ST8SIA5: variants seen among roughly 807,000 people sequenced by gnomAD.
ST8SIA5 encodes the protein ST8 alpha-N-acetyl-neuraminide alpha-2,8-sialyltransferase 5.
A neutral mutation model predicts 40.2 loss-of-function variants in ST8SIA5; 24 were observed. The ratio of observed to expected loss-of-function variants is 0.60; its 90% CI spans 0.43 to 0.84. The LOEUF is 0.84. Ranked by LOEUF, ST8SIA5 falls within the 40% of genes least tolerant of loss-of-function variation. The pLI, the probability that ST8SIA5 is intolerant of heterozygous loss-of-function variation, is 0.00. For missense variants in ST8SIA5, 465 were observed against 498.5 expected (o/e 0.93, Z 0.64); for synonymous variants, 198 against 201.8 (o/e 0.98, Z 0.16).
At chr18:46,697,025 G>A (rs145243221) in intron 2 of ST8SIA5, among the ~76,000 whole-genome samples, 2,292 of 148,546 alleles carry the variant, frequency 0.015, 27 homozygotes, top group Admixed American at 0.031. Flanking sequence ...GAACCATCAA[G>A]CCTACACTCC....
chr18:46,745,432 T>C (rs994276409), intron 1 of ST8SIA5, among the ~76,000 whole-genome samples: 6 of 152,126 alleles, frequency 3.9e-5, no homozygotes. Context: ...GAGAATACTA[T>C]AAACACCTCT....
rs1335336788 is a variant in ST8SIA5, at chr18:46,673,379, T to C, written c.*6663A>G. 2 of 152,240 alleles carry C rather than the reference T, an allele frequency of 1.3e-5. No individual in the cohort carries two copies. Among genetic ancestry groups the C allele is most frequent in the South Asian group, 4.1e-4 (2 of 4,822 alleles). 9.4% of individuals were successfully genotyped at this position (152,240 alleles called of 1,614,324 possible). A position where few individuals can be genotyped will look rare whatever the true frequency, so the allele number is the denominator to read the frequency against. ...TTTGTATGTACAGAAAAGGCAGAAG[T>C]TGGGTTGTGTGCCAAATTCTTCTTT... On this transcript the variant is annotated 3_prime_UTR_variant, in exon 7 of 7. Transcript: ENST00000315087.
chr18:46,735,531 A>G (rs925695699), intron 1 of ST8SIA5, among the ~76,000 whole-genome samples: 1 of 152,330 alleles, frequency 6.6e-6, no homozygotes, highest in Non-Finnish European at 1.5e-5. Context: ...CTTATAAATA[A>G]GTGCATGCAA....
At chr18:46,717,013 TG>T (rs2039798876) in intron 1 of ST8SIA5, among the ~76,000 whole-genome samples, 1 of 152,192 alleles carries the variant, frequency 6.6e-6, no homozygotes, top group South Asian at 2.1e-4. Flanking sequence ...GGACAGTGTC[TG>T]GGGGACTCCT....
At chr18:46,728,560 T>C (rs940799817) in intron 1 of ST8SIA5, among the ~76,000 whole-genome samples, 3 of 152,212 alleles carry the variant, frequency 2.0e-5, no homozygotes, top group African/African-American at 7.2e-5. Context: ...GCCCCACCCC[T>C]GATGCCAGAG....
intron 1 of ST8SIA5, among the ~76,000 whole-genome samples, chr18:46,733,984 C>T (rs1394818251): frequency 3.3e-5 from 5 of 152,118 alleles, no homozygotes; most frequent in African/African-American, 7.2e-5. Context: ...GGCTTCTCCC[C>T]GTCCCTAGGG....
intron 1 of ST8SIA5, among the ~76,000 whole-genome samples, chr18:46,736,223 C>G (rs2040033104): frequency 6.6e-6 from 1 of 152,188 alleles, no homozygotes; most frequent in African/African-American, 2.4e-5. Context: ...TGTCTCAACT[C>G]AGACGCAACA....
chr18:46,699,899 G>T (rs989703718), intron 2 of ST8SIA5, among the ~76,000 whole-genome samples: 12 of 152,308 alleles, frequency 7.9e-5, no homozygotes, highest in African/African-American at 2.4e-4. Flanking sequence ...CAGAGAGTGG[G>T]CATTTGCCCA....
chr18:46,680,547 C>T (rs1329124884), intron 6 of ST8SIA5, 37 bp from the exon 7 acceptor site: 2 of 1,515,108 alleles, frequency 1.3e-6, no homozygotes, highest in Non-Finnish European at 1.8e-6. Flanking sequence ...GCACCCACTC[C>T]TCCGTGCCCT....
intron 1 of ST8SIA5, among the ~76,000 whole-genome samples, chr18:46,748,145 A>C (rs542205587): frequency 9.9e-5 from 15 of 152,278 alleles, no homozygotes; most frequent in African/African-American, 3.6e-4. Flanking sequence ...GGGTGCAGCA[A>C]ACCAACATGG....
chr18:46,684,204 G>T (rs1410510980), intron 5 of ST8SIA5, among the ~76,000 whole-genome samples: 1 of 152,082 alleles, frequency 6.6e-6, no homozygotes, highest in Non-Finnish European at 1.5e-5. Flanking sequence ...CCCCTCCGAG[G>T]GAGACATTTA....
rs772403975 is a variant in ST8SIA5, at chr18:46,672,353, G to A, written c.*7689C>T. 7 of 152,242 alleles carry A rather than the reference G, an allele frequency of 4.6e-5. No homozygotes were observed. The highest frequency in any genetic ancestry group is 3.4e-3 in the Middle Eastern group (1 of 294). The allele number at this position is 152,242 out of a possible 1,614,324, so 9.4% of individuals were successfully genotyped here. The stretch of plus-strand genomic sequence containing the variant: ...CCAGGCCTGCTGAATCAGATCCTCC[G>A]GGAAGTAAAGGACCTGGCTTGGGGA... On this transcript the variant is annotated 3_prime_UTR_variant, in exon 7 of 7. Transcript: ENST00000315087.
chr18:46,692,722 T>C (rs567447984), intron 2 of ST8SIA5, among the ~76,000 whole-genome samples: 1 of 152,138 alleles, frequency 6.6e-6, no homozygotes, highest in Admixed American at 6.5e-5. Flanking sequence ...TTATTTTCTA[T>C]ATTCCTGATG....
Position 46,679,718 on chromosome 18 carries a change from G to A in ST8SIA5, c.*324C>T. 2.8e-6 allele frequency: 1 copy of A among 359,264 alleles called. No homozygotes were observed. The highest frequency in any genetic ancestry group is 5.2e-6 in the Non-Finnish European group (1 of 194,144). 22.3% of individuals were successfully genotyped at this position (359,264 alleles called of 1,614,324 possible). On this transcript the variant is annotated 3_prime_UTR_variant, in exon 7 of 7. Transcript: ENST00000315087. ...GTGCTCTCTCTCGGATGACAAAATTGGGTGGAAATGTGCTTTATTCACTTG... is the reference window on the plus strand; with the variant it reads ...GTGCTCTCTCTCGGATGACAAAATTAGGTGGAAATGTGCTTTATTCACTTG...
chr18:46,733,790 C>T (rs930695015), intron 1 of ST8SIA5, among the ~76,000 whole-genome samples: 1 of 152,140 alleles, frequency 6.6e-6, no homozygotes, highest in Admixed American at 6.5e-5. Context: ...GGAGGATGAG[C>T]TTTCACTGGG....
rs2039345662 is a variant in ST8SIA5 at position 46,677,296 on chromosome 18, G to GCCGTTCCCTC, written c.*2745_*2746insGAGGGAACGG. ...ACTTTGGGGCTCTACAGATCTGGGT[G>GCCGTTCCCTC]CAGTTCCCTCCATTGGGTGCCGTTC... On this transcript the variant is annotated 3_prime_UTR_variant, in exon 7 of 7. Coordinates refer to ENST00000315087, the MANE Select transcript of ST8SIA5 (RefSeq NM_013305.6). 6.6e-6 allele frequency: 1 copy of GCCGTTCCCTC among 152,500 alleles called. No homozygotes were observed. Among genetic ancestry groups the GCCGTTCCCTC allele is most frequent in the Non-Finnish European group, 1.5e-5 (1 of 68,240 alleles). 9.4% of individuals were successfully genotyped at this position (152,500 alleles called of 1,614,324 possible). A position where few individuals can be genotyped will look rare whatever the true frequency, so the allele number is the denominator to read the frequency against.
chr18:46,726,701 G>A (rs1212803772), intron 1 of ST8SIA5, among the ~76,000 whole-genome samples: 3 of 152,044 alleles, frequency 2.0e-5, no homozygotes, highest in East Asian at 1.9e-4. Context: ...GGTGGATCAC[G>A]AGGTCAGGAG....
At chr18:46,698,922 A>G (rs1038371962) in intron 2 of ST8SIA5, among the ~76,000 whole-genome samples, 1 of 152,226 alleles carries the variant, frequency 6.6e-6, no homozygotes, top group Admixed American at 6.5e-5. Flanking sequence ...GCTCCAGAAA[A>G]AGAAAGAAAC....
intron 1 of ST8SIA5, among the ~76,000 whole-genome samples, chr18:46,720,463 T>G (rs2039850682): frequency 1.3e-5 from 2 of 152,154 alleles, no homozygotes; most frequent in African/African-American, 4.8e-5. Context: ...GTTTCTGACA[T>G]CAGAATCTCA....
Sources: gnomAD v4.1 joint callset for allele counts (sites outside exome capture counted in the v4.1 genomes callset) on GRCh38, gnomAD v4.1.1 for gene constraint, MANE v1.5 for transcripts, NCBI Gene and HGNC (gene_info 2026-07-23, HGNC 2026-07-21) for gene names.